The following INPP4B variants were observed in gnomAD, a reference collection of about 807,000 sequenced individuals.
INPP4B encodes inositol polyphosphate-4-phosphatase type II B.
A neutral mutation model predicts 122.5 loss-of-function variants in INPP4B; 55 were observed. The ratio of observed to expected loss-of-function variants is 0.45; its 90% CI spans 0.36 to 0.56. INPP4B has a LOEUF of 0.56. INPP4B is among the 20% of genes least tolerant of loss of function. The pLI is 0.00. For missense variants in INPP4B, 1,000 were observed against 1,097.7 expected (o/e 0.91, Z 1.26); for synonymous variants, 403 against 388.7 (o/e 1.04, Z -0.43).
chr4:142,585,088 G>A (rs1425529), intron 2 of INPP4B, among the ~76,000 whole-genome samples: 2,144 of 152,164 alleles, frequency 0.014, 41 homozygotes, highest in African/African-American at 0.041. Context: ...ATGAAGGGAT[G>A]GGATTGCTGT....
At chr4:142,420,504 A>C (rs1316800743) in intron 5 of INPP4B, among the ~76,000 whole-genome samples, 1 of 152,110 alleles carries the variant, frequency 6.6e-6, no homozygotes, top group Non-Finnish European at 1.5e-5. Context: ...TACCCACCCG[A>C]CAGATGTGTA....
chr4:142,533,184 T>C (rs1827821277), intron 2 of INPP4B, among the ~76,000 whole-genome samples: 1 of 152,162 alleles, frequency 6.6e-6, no homozygotes, highest in African/African-American at 2.4e-5. Flanking sequence ...ATCATCAGTC[T>C]CACAATGTGA....
chr4:142,720,735 T>TATATATGTATATATACATATATATATGA lies in INPP4B; in HGVS notation c.-191+5103_-191+5104insTCATATATATATGTATATATACATATAT, dbSNP rs1308644471. ...CTGTATATGTGTATATATATACATA[T>TATATATGTATATATACATATATATATGA]ATATATATATATACATATATATATA... On this transcript the variant is annotated intron_variant, in intron 2 of 25. Coordinates refer to ENST00000262992, the MANE Select transcript of INPP4B (RefSeq NM_001101669.3). 6.6e-4 allele frequency among the ~76,000 whole-genome samples: 60 copies of TATATATGTATATATACATATATATATGA among 90,696 alleles called. 10 individuals are homozygous for TATATATGTATATATACATATATATATGA. The highest frequency in any genetic ancestry group is 6.4e-3 in the Middle Eastern group (1 of 156). 59.5% of individuals were successfully genotyped at this position (90,696 alleles called of 152,430 possible).
rs558533403 is a variant in INPP4B at position 142,191,839 on chromosome 4, C to A, written c.1181+1248G>T. ...AAAACTAGAAAAATCAGAATAAGAA[C>A]TACAACTGAGTTAATATTGTACCAA... On this transcript the variant is annotated intron_variant, in intron 15 of 25. Transcript: ENST00000262992. 2.6e-3 allele frequency among the ~76,000 whole-genome samples: 390 copies of A among 152,094 alleles called. 1 individual carries two copies. The highest frequency in any genetic ancestry group is 4.7e-3 in the Non-Finnish European group (322 of 67,958).
intron 11 of INPP4B, among the ~76,000 whole-genome samples, chr4:142,256,466 A>G (rs1736138987): frequency 6.6e-6 from 1 of 152,212 alleles, no homozygotes; most frequent in Non-Finnish European, 1.5e-5. Flanking sequence ...AGCAAGACTA[A>G]TAAAGAAAAA....
At position 142,160,467 on chromosome 4, in the gene INPP4B, G is replaced by A; in HGVS notation, c.1454C>T (p.Pro485Leu). Residue 485 changes from proline (P) to leucine (L), a missense_variant, in exon 17 of 26, where the codon CCA (proline) becomes CTA (leucine). By Grantham distance (98) the Pro-to-Leu change is moderately conservative. Coordinates refer to ENST00000262992, the MANE Select transcript of INPP4B (RefSeq NM_001101669.3). ...CTCTGTGCTGCTCTTAGGAGAGGGTGGCTTCTTAAGAATGCCTCCTGGCCT... is the reference window on the plus strand; with the variant it reads ...CTCTGTGCTGCTCTTAGGAGAGGGTAGCTTCTTAAGAATGCCTCCTGGCCT... ...TARPGGILKK[P>L]PSPKSSTEES... is the part of the protein sequence containing the mutation. The A allele has an allele frequency of 1.2e-6, 2 of 1,612,690 alleles. No individual in the cohort carries two copies. The highest frequency in any genetic ancestry group is 8.5e-7 in the Non-Finnish European group (1 of 1,179,200).
chr4:142,636,498 T>C (rs900734007), intron 2 of INPP4B, among the ~76,000 whole-genome samples: 11 of 152,118 alleles, frequency 7.2e-5, no homozygotes, highest in Admixed American at 5.9e-4. Context: ...AATTCATAGA[T>C]AGGGTAGCCA....
At chr4:142,511,889 A>C (rs1035499022) in intron 2 of INPP4B, among the ~76,000 whole-genome samples, 2 of 152,190 alleles carry the variant, frequency 1.3e-5, no homozygotes, top group African/African-American at 4.8e-5. Context: ...ATGAGCTTTA[A>C]AGTTACTTCT....
rs1419821450 is a variant in INPP4B at position 142,300,232 on chromosome 4, C to T, written c.503+5226G>A. ...CTATAAAACATGCCTGGCCTCCCAA[C>T]CTGAGAGGTGCCACTAGCAGTTTTA... On this transcript the variant is annotated intron_variant, in intron 9 of 25. Coordinates refer to ENST00000262992, the MANE Select transcript of INPP4B (RefSeq NM_001101669.3). 2.6e-5 allele frequency among the ~76,000 whole-genome samples: 4 copies of T among 152,190 alleles called. No individual in the cohort carries two copies. In the East Asian group the frequency reaches 7.7e-4, roughly 29 times the overall value.
chr4:142,029,019 A>G (rs1560864377), intron 25 of INPP4B, 105 bp from the exon 26 acceptor site: 1 of 1,458,992 alleles, frequency 6.9e-7, no homozygotes, highest in Non-Finnish European at 9.0e-7. Context: ...AAAATAACAA[A>G]GATTCAACTC....
chr4:142,349,893 TA>T (rs10631958), intron 7 of INPP4B, among the ~76,000 whole-genome samples: 105 of 148,178 alleles, frequency 7.1e-4, no homozygotes, highest in African/African-American at 9.7e-4. Context: ...AGATAAGTTG[TA>T]AAAAAAAAAA....
At chr4:142,064,088 T>A (rs568405896) in intron 25 of INPP4B, among the ~76,000 whole-genome samples, 26 of 152,350 alleles carry the variant, frequency 1.7e-4, no homozygotes, top group African/African-American at 5.8e-4. Context: ...TTTCTAATTA[T>A]GTACAATTTC....
In INPP4B at chr4:142,027,209, T is replaced by C. The variant is rs758170745; in HGVS notation, c.*1573A>G. On this transcript the variant is annotated 3_prime_UTR_variant, in exon 26 of 26. Transcript: ENST00000262992. ...ACAGGTAATTAGCTAAAATAAAAAA[T>C]TGATAATTCTAGTATAAAAAGCTCC... The C allele has an allele frequency of 6.6e-6, 1 of 152,258 alleles. No individual in the cohort carries two copies. The highest frequency in any genetic ancestry group is 1.9e-4 in the East Asian group (1 of 5,186). 9.4% of individuals were successfully genotyped at this position (152,258 alleles called of 1,614,324 possible). A position where few individuals can be genotyped will look rare whatever the true frequency, so the allele number is the denominator to read the frequency against.
chr4:142,660,272 AG>A (rs1318489321), intron 2 of INPP4B, among the ~76,000 whole-genome samples: 2 of 152,094 alleles, frequency 1.3e-5, no homozygotes, highest in Non-Finnish European at 2.9e-5. Context: ...AGGATGGAAG[AG>A]GGAAAGAGGA....
intron 2 of INPP4B, among the ~76,000 whole-genome samples, chr4:142,685,759 C>CA (rs528549260): frequency 3.3e-5 from 5 of 151,516 alleles, no homozygotes; most frequent in East Asian, 3.9e-4. Context: ...GACCCTATCT[C>CA]AAAAAAAATT....
chr4:142,162,949 C>T (rs991999019), intron 16 of INPP4B, among the ~76,000 whole-genome samples: 4 of 151,784 alleles, frequency 2.6e-5, no homozygotes, highest in African/African-American at 9.7e-5. Flanking sequence ...AGAAAATACC[C>T]AAATGTCCCA....
chr4:142,053,412 A>T (rs1183008667), intron 25 of INPP4B, among the ~76,000 whole-genome samples: 1 of 152,110 alleles, frequency 6.6e-6, no homozygotes, highest in African/African-American at 2.4e-5. Context: ...AAAAACATTA[A>T]GTGGATGGTA....
intron 2 of INPP4B, among the ~76,000 whole-genome samples, chr4:142,717,828 A>G (rs1286572518): frequency 6.6e-6 from 1 of 151,170 alleles, no homozygotes; most frequent in Non-Finnish European, 1.5e-5. Flanking sequence ...AACATGGCAC[A>G]TGTATACATA....
At chr4:142,466,889 A>T (rs776539410) in intron 2 of INPP4B, among the ~76,000 whole-genome samples, 51 of 152,170 alleles carry the variant, frequency 3.4e-4, no homozygotes, top group Non-Finnish European at 6.2e-4. Context: ...GTACAGGTAC[A>T]GCTCAGGCTG....
Sources: gnomAD v4.1 joint callset for allele counts (sites outside exome capture counted in the v4.1 genomes callset) on GRCh38, gnomAD v4.1.1 for gene constraint, MANE v1.5 for transcripts, NCBI Gene and HGNC (gene_info 2026-07-23, HGNC 2026-07-21) for gene names.